OSBPL8: variants seen among roughly 807,000 people sequenced by gnomAD.
OSBPL8 encodes the protein oxysterol binding protein like 8.
In OSBPL8, 59 loss-of-function variants were observed where a neutral mutation model predicts 125.5. The observed-to-expected ratio is 0.47, with a 90% confidence interval of 0.38 to 0.58. The LOEUF is 0.58. OSBPL8 is among the 20% of genes least tolerant of loss of function. OSBPL8 has a pLI of 0.00. For synonymous variants in OSBPL8, 330 were observed against 338.9 expected (o/e 0.97, Z 0.29); for missense variants, 758 against 1,047.8 (o/e 0.72, Z 3.82).
rs141437435 is a variant in OSBPL8, at chr12:76,510,561, T to C, written c.-67-22943A>G. Among the ~76,000 whole-genome samples the C allele has an allele frequency of 5.3e-3, 806 of 152,326 alleles. 7 individuals are homozygous for C. Among genetic ancestry groups the C allele is most frequent in the African/African-American group, 0.019 (778 of 41,570 alleles). On this transcript the variant is annotated intron_variant, in intron 1 of 23. Transcript: ENST00000261183. ...GCTTCACTGTCGGTTATATGTCTTT[T>C]GCAGGGCTCAAAACACATTCATCAA...
intron 2 of OSBPL8, among the ~76,000 whole-genome samples, chr12:76,465,386 C>T (rs1875282608): frequency 6.6e-6 from 1 of 151,760 alleles, no homozygotes; most frequent in South Asian, 2.1e-4. Context: ...AGGTGAAACT[C>T]CGTCTCTACT....
At chr12:76,433,092 C>G (rs2136591605) in intron 4 of OSBPL8, among the ~76,000 whole-genome samples, 1 of 152,226 alleles carries the variant, frequency 6.6e-6, no homozygotes, top group East Asian at 1.9e-4. Context: ...ACAATAAAGA[C>G]CACATATGAA....
At chr12:76,417,254 G>C (rs939981583) in intron 4 of OSBPL8, among the ~76,000 whole-genome samples, 15 of 152,174 alleles carry the variant, frequency 9.9e-5, no homozygotes, top group African/African-American at 3.6e-4. Flanking sequence ...TACTGTTTCA[G>C]TGAAGAAGTC....
intron 1 of OSBPL8, among the ~76,000 whole-genome samples, chr12:76,549,096 A>G (rs1950865924): frequency 6.6e-6 from 1 of 152,118 alleles, no homozygotes; most frequent in South Asian, 2.1e-4. Flanking sequence ...CCAAAATACT[A>G]AAGGGGAAAA....
chr12:76,356,844 C>A, intron 22 of OSBPL8, 116 bp from the exon 23 acceptor site: 1 of 627,440 alleles, frequency 1.6e-6, no homozygotes. Context: ...TAGAGATTAG[C>A]ATAGTAATAT....
At chr12:76,403,825 T>A (rs1954146397) in intron 5 of OSBPL8, among the ~76,000 whole-genome samples, 2 of 152,136 alleles carry the variant, frequency 1.3e-5, no homozygotes, top group Non-Finnish European at 2.9e-5. Flanking sequence ...CTCCCTCAAT[T>A]TTTAGATTAA....
intron 1 of OSBPL8, among the ~76,000 whole-genome samples, chr12:76,541,348 C>T (rs754467818): frequency 2.6e-5 from 4 of 151,940 alleles, no homozygotes; most frequent in Non-Finnish European, 5.9e-5. Context: ...TGTGGTGGTG[C>T]ACGTCTGTAA....
At chr12:76,424,266 G>T (rs1159492314) in intron 4 of OSBPL8, among the ~76,000 whole-genome samples, 1 of 152,114 alleles carries the variant, frequency 6.6e-6, no homozygotes, top group African/African-American at 2.4e-5. Flanking sequence ...ATCCCAAAGT[G>T]CTAGGATTGT....
chr12:76,445,800 T>C (rs1028084503), intron 4 of OSBPL8, among the ~76,000 whole-genome samples: 26 of 152,290 alleles, frequency 1.7e-4, no homozygotes, highest in African/African-American at 6.3e-4. Flanking sequence ...CCATTTCTTA[T>C]AAAGTGAAAC....
rs573360032 is a variant in OSBPL8 at position 76,363,194 on chromosome 12, A to G, written c.2329-4383T>C. Among the ~76,000 whole-genome samples, 4 of 152,380 alleles carry G rather than the reference A, an allele frequency of 2.6e-5. No individual in the cohort carries two copies. The South Asian group carries it at 8.3e-4, about 32-fold the overall frequency. On this transcript the variant is annotated intron_variant, in intron 21 of 23. Coordinates refer to ENST00000261183, the MANE Select transcript of OSBPL8 (RefSeq NM_020841.5). ...TAGAAAAAACTACTTTAAATTTCACATGGAACCAAAAAAGAGCCCATATAG... is the reference window on the plus strand; with the variant it reads ...TAGAAAAAACTACTTTAAATTTCACGTGGAACCAAAAAAGAGCCCATATAG...
chr12:76,457,006 C>G (rs1412418768), intron 3 of OSBPL8, among the ~76,000 whole-genome samples: 1 of 152,164 alleles, frequency 6.6e-6, no homozygotes, highest in African/African-American at 2.4e-5. Context: ...AACAGTGGTA[C>G]TTCACATGGG....
chr12:76,396,094 T>C (rs1953787062), intron 8 of OSBPL8, among the ~76,000 whole-genome samples: 1 of 151,566 alleles, frequency 6.6e-6, no homozygotes, highest in African/African-American at 2.4e-5. Context: ...TTTTGTTGTT[T>C]AAAAAGGTTT....
At position 76,355,654 on chromosome 12, in the gene OSBPL8, C is replaced by T. The variant is rs993641268; in HGVS notation, c.*235G>A. 2 of 432,756 alleles carry T rather than the reference C, an allele frequency of 4.6e-6. No homozygotes were observed. Among genetic ancestry groups the T allele is most frequent in the African/African-American group, 4.1e-5 (2 of 48,912 alleles). The allele number at this position is 432,756 out of a possible 1,614,324, so 26.8% of individuals were successfully genotyped here. ...ATACTCATATGTAGACACATTCTCACAAAAGCTAGAAATGTCCTGGCACTT... is the reference window on the plus strand; with the variant it reads ...ATACTCATATGTAGACACATTCTCATAAAAGCTAGAAATGTCCTGGCACTT... On this transcript the variant is annotated 3_prime_UTR_variant, in exon 24 of 24. Transcript: ENST00000261183.
chr12:76,515,435 GTGT>G (rs374188313), intron 1 of OSBPL8, among the ~76,000 whole-genome samples: 4 of 152,230 alleles, frequency 2.6e-5, no homozygotes, highest in African/African-American at 9.6e-5. Flanking sequence ...GGTATTTTTG[GTGT>G]TGAAGTTGTG....
chr12:76,384,348 C>T lies in OSBPL8; in HGVS notation c.1536G>A (p.Val512=). Residue 512 remains valine (V), a splice_region_variant and synonymous_variant, in exon 15 of 24, where the codon GTG becomes GTA. Coordinates refer to ENST00000261183, the MANE Select transcript of OSBPL8 (RefSeq NM_020841.5). Reference sequence around the variant, plus strand: ...AGGCAGATATTGGTGGATGATGGGACACCTATTAAACATAAGAAAAACATG... The same window carrying T: ...AGGCAGATATTGGTGGATGATGGGATACCTATTAAACATAAGAAAAACATG... ...NSKTFYIAEQ[V]SHHPPISAFY... 6.6e-7 allele frequency: 1 copy of T among 1,516,754 alleles called. No individual in the cohort carries two copies. The highest frequency in any genetic ancestry group is 9.0e-7 in the Non-Finnish European group (1 of 1,112,446). 94.0% of individuals were successfully genotyped at this position (1,516,754 alleles called of 1,614,324 possible). A position where few individuals can be genotyped will look rare whatever the true frequency, so the allele number is the denominator to read the frequency against.
chr12:76,453,719 T>C (rs1347960191), intron 3 of OSBPL8, among the ~76,000 whole-genome samples: 1 of 151,918 alleles, frequency 6.6e-6, no homozygotes, highest in African/African-American at 2.4e-5. Flanking sequence ...AATCAGTAAG[T>C]TCAATATTAA....
chr12:76,438,462 C>A (rs1167161284), intron 4 of OSBPL8, among the ~76,000 whole-genome samples: 2 of 152,094 alleles, frequency 1.3e-5, no homozygotes, highest in Non-Finnish European at 2.9e-5. Flanking sequence ...TGCCACCATG[C>A]CCGGCTAACT....
intron 6 of OSBPL8, among the ~76,000 whole-genome samples, chr12:76,400,200 T>G (rs1953991176): frequency 6.6e-6 from 1 of 152,172 alleles, no homozygotes; most frequent in Non-Finnish European, 1.5e-5. Flanking sequence ...GTGTGTGTTG[T>G]GTCCCTCTGT....
At chr12:76,516,507 A>G (rs1881545004) in intron 1 of OSBPL8, among the ~76,000 whole-genome samples, 19 of 152,194 alleles carry the variant, frequency 1.2e-4, no homozygotes, top group Admixed American at 1.2e-3. Flanking sequence ...ACCAGAGAAA[A>G]GCGTATGACC....
Sources: gnomAD v4.1 joint callset for allele counts (sites outside exome capture counted in the v4.1 genomes callset) on GRCh38, gnomAD v4.1.1 for gene constraint, MANE v1.5 for transcripts, NCBI Gene and HGNC (gene_info 2026-07-23, HGNC 2026-07-21) for gene names.